DOCK3: variants seen among roughly 807,000 people sequenced by gnomAD.
DOCK3 encodes the protein dedicator of cytokinesis protein 3.
DOCK3 carries 60 observed loss-of-function variants against 265.6 expected under a neutral mutation model. The observed-to-expected ratio is 0.23, with a 90% CI of 0.18 to 0.28. The LOEUF (loss-of-function observed/expected upper bound fraction) is 0.28, where lower values mean the gene tolerates loss of function less well. Among genes scored for constraint, DOCK3 ranks in the 10% least tolerant of loss-of-function variants. The pLI is 1.00. For synonymous variants in DOCK3, 881 were observed against 938.0 expected (o/e 0.94, Z 1.11); for missense variants, 1,981 against 2,594.3 (o/e 0.76, Z 5.14).
chr3:51,346,926 A>G (rs2085624474), intron 38 of DOCK3, among the ~76,000 whole-genome samples: 1 of 152,218 alleles, frequency 6.6e-6, no homozygotes, highest in Non-Finnish European at 1.5e-5. Flanking sequence ...TGTTGGCTAC[A>G]TAAATGTCTT....
chr3:50,803,809 C>A (rs1478548942), intron 2 of DOCK3, among the ~76,000 whole-genome samples: 4 of 151,074 alleles, frequency 2.6e-5, no homozygotes, highest in Admixed American at 2.6e-4. Context: ...CCACCTCCCT[C>A]CTGGAAGGGG....
intron 5 of DOCK3, among the ~76,000 whole-genome samples, chr3:51,007,510 G>C (rs543528474): frequency 1.4e-3 from 211 of 152,272 alleles, no homozygotes; most frequent in African/African-American, 4.8e-3. Flanking sequence ...TTTGTAGATT[G>C]TGGATATTAG....
At chr3:51,305,834 C>CTT (rs761039681) in intron 27 of DOCK3, among the ~76,000 whole-genome samples, 29,101 of 50,470 alleles carry the variant, frequency 0.58, 10,626 homozygotes, top group Non-Finnish European at 0.6. Context: ...ATTTCTTCTT[C>CTT]TTTTTTTTTT....
chr3:50,845,897 T>G (rs547377992), intron 3 of DOCK3, among the ~76,000 whole-genome samples: 1 of 152,298 alleles, frequency 6.6e-6, no homozygotes, highest in East Asian at 1.9e-4. Flanking sequence ...GAGTCAAGAT[T>G]GGCAAAATGT....
intron 5 of DOCK3, among the ~76,000 whole-genome samples, chr3:50,951,356 C>G (rs1449202053): frequency 6.6e-6 from 1 of 152,184 alleles, no homozygotes; most frequent in Non-Finnish European, 1.5e-5. Context: ...CAGGAAGATT[C>G]ACTGTATTAC....
chr3:51,057,763 G>T (rs886687694), intron 5 of DOCK3, among the ~76,000 whole-genome samples: 4 of 152,194 alleles, frequency 2.6e-5, no homozygotes, highest in Admixed American at 2.6e-4. Flanking sequence ...AGGTCATTAG[G>T]TTGGCCCGGA....
intron 1 of DOCK3, among the ~76,000 whole-genome samples, chr3:50,740,736 A>C (rs1287104904): frequency 6.6e-6 from 1 of 152,100 alleles, no homozygotes; most frequent in African/African-American, 2.4e-5. Context: ...GGAATCATTA[A>C]TTTATTTGTC....
intron 7 of DOCK3, among the ~76,000 whole-genome samples, chr3:51,080,763 G>T (rs1046171187): frequency 2.6e-5 from 4 of 152,258 alleles, no homozygotes; most frequent in African/African-American, 9.6e-5. Flanking sequence ...TTGGTTAACA[G>T]TAAATCTACT....
chr3:51,324,701 A>G (rs1207930925), intron 32 of DOCK3, among the ~76,000 whole-genome samples: 3 of 152,222 alleles, frequency 2.0e-5, no homozygotes, highest in Non-Finnish European at 1.5e-5. Flanking sequence ...ACAGCATGGT[A>G]CTGGTACCAA....
At chr3:51,245,344 AAAAT>A (rs2078783340) in intron 21 of DOCK3, among the ~76,000 whole-genome samples, 1 of 152,058 alleles carries the variant, frequency 6.6e-6, no homozygotes, top group Non-Finnish European at 1.5e-5. Flanking sequence ...CTCAAAGAAA[AAAAT>A]AAATAAGACC....
intron 12 of DOCK3, among the ~76,000 whole-genome samples, chr3:51,199,186 G>T (rs12487496): frequency 7.9e-5 from 12 of 152,148 alleles, no homozygotes; most frequent in Non-Finnish European, 2.9e-5. Flanking sequence ...GACAATGGGC[G>T]CAGGTCAGTG....
At chr3:51,306,055 G>A (rs1307067551) in intron 27 of DOCK3, among the ~76,000 whole-genome samples, 1 of 149,346 alleles carries the variant, frequency 6.7e-6, no homozygotes, top group Non-Finnish European at 1.5e-5. Context: ...TTGTAGAGAT[G>A]GGGTCTCGCT....
chr3:51,237,447 G>A (rs779513443), intron 20 of DOCK3, 43 bp from the exon 21 acceptor site: 13 of 1,526,054 alleles, frequency 8.5e-6, no homozygotes, highest in Admixed American at 7.1e-5. Context: ...ATAGATCTGA[G>A]GCCTCCAGTG....
intron 12 of DOCK3, among the ~76,000 whole-genome samples, chr3:51,199,212 G>A (rs943149173): frequency 2.0e-5 from 3 of 152,206 alleles, no homozygotes; most frequent in Admixed American, 2.0e-4. Context: ...AGCACACCGT[G>A]CGTGAGCCAA....
intron 1 of DOCK3, among the ~76,000 whole-genome samples, chr3:50,751,349 T>A (rs923432293): frequency 6.6e-6 from 1 of 152,120 alleles, no homozygotes; most frequent in Non-Finnish European, 1.5e-5. Flanking sequence ...TGGTTTGCTG[T>A]ACCTATCAAC....
chr3:50,882,324 C>T (rs1323397646), intron 3 of DOCK3, among the ~76,000 whole-genome samples: 2 of 152,146 alleles, frequency 1.3e-5, no homozygotes, highest in African/African-American at 4.8e-5. Flanking sequence ...TCAGAGTGAA[C>T]AAGCAACTTA....
intron 5 of DOCK3, among the ~76,000 whole-genome samples, chr3:51,044,298 G>C (rs559935650): frequency 6.6e-6 from 1 of 152,110 alleles, no homozygotes; most frequent in Admixed American, 6.6e-5. Flanking sequence ...GGAGCTGGAG[G>C]CCATTATCCT....
At chr3:50,821,751 G>A (rs2044448170) in intron 2 of DOCK3, among the ~76,000 whole-genome samples, 1 of 152,166 alleles carries the variant, frequency 6.6e-6, no homozygotes. Flanking sequence ...TGAATAGGGA[G>A]TCCTTTCCCC....
At chr3:50,879,872 T>C (rs1273881395) in intron 3 of DOCK3, among the ~76,000 whole-genome samples, 1 of 152,144 alleles carries the variant, frequency 6.6e-6, no homozygotes, top group East Asian at 1.9e-4. Context: ...ATCAACAACA[T>C]AGTTGGAAGT....
Sources: gnomAD v4.1 joint callset for allele counts (sites outside exome capture counted in the v4.1 genomes callset) on GRCh38, gnomAD v4.1.1 for gene constraint, MANE v1.5 for transcripts, NCBI Gene and HGNC (gene_info 2026-07-23, HGNC 2026-07-21) for gene names.